Variants in DPYD observed in about 807,000 individuals in gnomAD.
The protein encoded by DPYD is dihydropyrimidine dehydrogenase [NADP(+)].
A neutral mutation model predicts 116.2 loss-of-function variants in DPYD; 109 were observed. That is an observed-to-expected ratio of 0.94 (90% CI 0.80 to 1.10). The LOEUF (loss-of-function observed/expected upper bound fraction) is 1.10, where lower values mean the gene tolerates loss of function less well. DPYD is among the 50% of genes least tolerant of loss of function. The pLI is 0.00. For missense variants in DPYD, 1,302 were observed against 1,254.5 expected (o/e 1.04, Z -0.57); for synonymous variants, 440 against 432.0 (o/e 1.02, Z -0.23).
At chr1:97,918,857 A>G (rs903777440) in intron 1 of DPYD, among the ~76,000 whole-genome samples, 2 of 152,196 alleles carry the variant, frequency 1.3e-5, no homozygotes, top group African/African-American at 4.8e-5. Context: ...TTAAAATATT[A>G]CTTGCTTATC....
rs1420425419 is a variant in DPYD at position 97,373,573 on chromosome 1, C to T, written c.2046G>A (p.Leu682=). The change falls in exon 16 of 23, where the codon CTG becomes CTA. Residue 682 remains leucine (L), a synonymous_variant. Coordinates refer to ENST00000370192, the MANE Select transcript of DPYD (RefSeq NM_000110.4). The stretch of plus-strand genomic sequence containing the variant: ...TCAAGGTCCTTACCTGCCCACAGGC[C>T]AGGCCCATTCCTCTTTCTCCCATGC... The part of the protein sequence containing the change: ...PHGMGERGMG[L]ACGQDPELVR... 14 of 1,613,514 alleles carry T rather than the reference C, an allele frequency of 8.7e-6. No homozygotes were observed. The highest frequency in any genetic ancestry group is 1.2e-5 in the Non-Finnish European group (14 of 1,179,810).
At chr1:97,596,083 G>A (rs1448587128) in intron 8 of DPYD, among the ~76,000 whole-genome samples, 1 of 151,824 alleles carries the variant, frequency 6.6e-6, no homozygotes, top group Non-Finnish European at 1.5e-5. Context: ...ACAGAAAGAG[G>A]AAAATAAGAT....
chr1:97,208,355 G>A lies in DPYD; in HGVS notation c.2443-15107C>T, dbSNP rs1659807674. On this transcript the variant is annotated intron_variant, in intron 19 of 22. Coordinates refer to ENST00000370192, the MANE Select transcript of DPYD (RefSeq NM_000110.4). ...GGCTGAATGCAGTGGCATGATCATA[G>A]CTCACTGCAGTCTCAAACTCCTGGG... is the stretch of plus-strand genomic sequence containing the variant. Among the ~76,000 whole-genome samples the A allele has an allele frequency of 2.0e-5, 3 of 147,778 alleles. No individual in the cohort carries two copies. In the South Asian group the frequency reaches 6.4e-4, roughly 31 times the overall value.
At chr1:97,515,282 T>A (rs950521409) in intron 13 of DPYD, among the ~76,000 whole-genome samples, 10 of 151,934 alleles carry the variant, frequency 6.6e-5, no homozygotes, top group Non-Finnish European at 1.3e-4. Flanking sequence ...GAGAAAGGTT[T>A]CTGTATTCCA....
At chr1:97,636,553 A>AT (rs1165323352) in intron 8 of DPYD, among the ~76,000 whole-genome samples, 2 of 152,194 alleles carry the variant, frequency 1.3e-5, no homozygotes, top group Admixed American at 6.6e-5. Flanking sequence ...CACTTTTAGG[A>AT]TTACTTGCAT....
At chr1:97,562,691 C>A (rs1475943802) in intron 11 of DPYD, among the ~76,000 whole-genome samples, 3 of 152,010 alleles carry the variant, frequency 2.0e-5, no homozygotes, top group African/African-American at 4.8e-5. Context: ...ATGTAATTTT[C>A]TAATTTATAC....
chr1:97,605,742 A>C (rs1337725767), intron 8 of DPYD, among the ~76,000 whole-genome samples: 2 of 152,064 alleles, frequency 1.3e-5, no homozygotes, highest in Admixed American at 6.6e-5. Flanking sequence ...AAATGAGATA[A>C]TATATCTCAA....
chr1:97,814,818 T>C (rs1668496211), intron 3 of DPYD, among the ~76,000 whole-genome samples: 1 of 150,240 alleles, frequency 6.7e-6, no homozygotes, highest in Admixed American at 6.6e-5. Context: ...GCATGAGAAT[T>C]GCTTGAATCT....
At chr1:97,882,437 C>T (rs1672274906) in intron 2 of DPYD, among the ~76,000 whole-genome samples, 1 of 152,042 alleles carries the variant, frequency 6.6e-6, no homozygotes, top group Admixed American at 6.6e-5. Flanking sequence ...AGTACATAAA[C>T]TAAAATCATA....
chr1:97,618,787 A>AGC (rs1469094813), intron 8 of DPYD, among the ~76,000 whole-genome samples: 3 of 152,174 alleles, frequency 2.0e-5, no homozygotes, highest in Admixed American at 6.5e-5. Context: ...TTCAAAACCA[A>AGC]CAGTTTCAAC....
At chr1:97,130,918 CCTCT>C (rs1222546648) in intron 20 of DPYD, among the ~76,000 whole-genome samples, 3 of 138,806 alleles carry the variant, frequency 2.2e-5, no homozygotes, top group African/African-American at 8.3e-5. Context: ...TCCCTCCCTC[CCTCT>C]TTCTCTCTCT....
At chr1:97,117,355 T>C (rs970149321) in intron 20 of DPYD, among the ~76,000 whole-genome samples, 2 of 152,216 alleles carry the variant, frequency 1.3e-5, no homozygotes, top group Admixed American at 1.3e-4. Flanking sequence ...TCCTGAACAA[T>C]CTTCACTAGA....
intron 19 of DPYD, among the ~76,000 whole-genome samples, chr1:97,224,444 A>T (rs569032408): frequency 1.3e-5 from 2 of 152,184 alleles, no homozygotes; most frequent in South Asian, 4.1e-4. Context: ...ATACACACTC[A>T]AATGATCACT....
At chr1:97,246,904 G>T (rs989100479) in intron 18 of DPYD, among the ~76,000 whole-genome samples, 1 of 151,904 alleles carries the variant, frequency 6.6e-6, no homozygotes, top group African/African-American at 2.4e-5. Context: ...AATAAATATT[G>T]CTATTTACTG....
intron 13 of DPYD, among the ~76,000 whole-genome samples, chr1:97,488,267 G>A (rs78085992): frequency 1.3e-3 from 202 of 152,206 alleles, no homozygotes; most frequent in African/African-American, 1.8e-3. Flanking sequence ...GTTTCCAGGC[G>A]TTAGGAATGC....
chr1:97,266,297 A>T (rs1258221587), intron 18 of DPYD, among the ~76,000 whole-genome samples: 2 of 152,218 alleles, frequency 1.3e-5, no homozygotes, highest in East Asian at 3.9e-4. Context: ...AATGAAAAAT[A>T]GCACATTAGT....
intron 14 of DPYD, among the ~76,000 whole-genome samples, chr1:97,421,708 A>T (rs1398492510): frequency 6.6e-6 from 1 of 152,084 alleles, no homozygotes; most frequent in Non-Finnish European, 1.5e-5. Context: ...TGTCAGGGGG[A>T]TATTACTGCA....
chr1:97,180,095 A>G (rs1657548378), intron 20 of DPYD, among the ~76,000 whole-genome samples: 1 of 151,966 alleles, frequency 6.6e-6, no homozygotes, highest in East Asian at 1.9e-4. Flanking sequence ...AATAAATTTA[A>G]TTATGGTTTG....
At chr1:97,602,261 G>A (rs1418273817) in intron 8 of DPYD, among the ~76,000 whole-genome samples, 1 of 151,938 alleles carries the variant, frequency 6.6e-6, no homozygotes, top group Admixed American at 6.6e-5. Flanking sequence ...TAATTTTTAT[G>A]AAGTTATAGT....
Sources: allele counts gnomAD v4.1 joint callset (sites outside exome capture counted in the v4.1 genomes callset), GRCh38; gene constraint gnomAD v4.1.1; transcripts MANE v1.5; gene names NCBI Gene and HGNC (gene_info 2026-07-23, HGNC 2026-07-21).